The following RPL28 variants were observed in gnomAD, a reference collection of about 807,000 sequenced individuals.
RPL28 encodes the protein ribosomal protein L28.
A neutral mutation model predicts 12.5 loss-of-function variants in RPL28; 4 were observed. That is an observed-to-expected ratio of 0.32 (90% CI 0.16 to 0.73). The LOEUF (loss-of-function observed/expected upper bound fraction) is 0.73. RPL28 is among the 30% of genes least tolerant of loss of function. The pLI, the probability that RPL28 is intolerant of heterozygous loss-of-function variation, is 0.66. For missense variants in RPL28, 214 were observed against 197.7 expected (o/e 1.08, Z -0.49); for synonymous variants, 91 against 72.5 (o/e 1.26, Z -1.30).
chr19:55,400,697 A>G (rs891318433), intron 4 of RPL28: 1 of 152,300 alleles, frequency 6.6e-6, no homozygotes, highest in South Asian at 2.1e-4. Context: ...TTTAGCCTGC[A>G]AAGCACTGAG....
rs144477547 is a variant in RPL28 at position 55,388,964 on chromosome 19, C to T, written c.*632C>T. ...ATTGAGCAGCCTTAGCATTGTCCCC[C>T]TACTCCCGTCCTCCAGGTGTCCCCA... On this transcript the variant is annotated 3_prime_UTR_variant, in exon 5 of 5. Coordinates refer to ENST00000344063, the MANE Select transcript of RPL28 (RefSeq NM_000991.5). 2.0e-4 allele frequency: 196 copies of T among 985,468 alleles called. No individual in the cohort carries two copies. The African/African-American group carries it at 3.2e-3, about 16-fold the overall frequency. 61.0% of individuals were successfully genotyped at this position (985,468 alleles called of 1,614,324 possible).
At chr19:55,397,341 A>G (rs940059792) in intron 4 of RPL28, among the ~76,000 whole-genome samples, 6 of 152,204 alleles carry the variant, frequency 3.9e-5, no homozygotes, top group African/African-American at 1.4e-4. Context: ...TGTTTCTTAA[A>G]TATACAAGCA....
intron 4 of RPL28, 26 bp downstream of exon 4, chr19:55,388,074 T>A: frequency 6.2e-7 from 1 of 1,613,158 alleles, no homozygotes; most frequent in East Asian, 2.2e-5. Flanking sequence ...GGGATCAGGC[T>A]TGGGGAGACT....
At chr19:55,398,483 G>A (rs765918560) in intron 4 of RPL28, among the ~76,000 whole-genome samples, 16 of 152,280 alleles carry the variant, frequency 1.1e-4, no homozygotes, top group Non-Finnish European at 1.9e-4. Flanking sequence ...GGTATTCTCA[G>A]ATTTAATTGT....
chr19:55,399,022 C>G (rs2090039566), intron 4 of RPL28, among the ~76,000 whole-genome samples: 1 of 151,986 alleles, frequency 6.6e-6, no homozygotes, highest in Non-Finnish European at 1.5e-5. Context: ...GGGTCTCCCT[C>G]TCTCACCCAG....
downstream of RPL28, among the ~76,000 whole-genome samples, chr19:55,396,985 T>C (rs960221023): frequency 5.9e-5 from 9 of 151,950 alleles, no homozygotes; most frequent in Non-Finnish European, 1.2e-4. Context: ...GCTCAAGCCA[T>C]CCTCCCACCT....
chr19:55,394,453 G>GTCTCA (rs1382137231), downstream of RPL28, among the ~76,000 whole-genome samples: 1 of 151,900 alleles, frequency 6.6e-6, no homozygotes, highest in African/African-American at 2.4e-5. Flanking sequence ...TAGAGACAAG[G>GTCTCA]TCTCACTGTG....
At chr19:55,395,463 A>G (rs1230979648), downstream of RPL28, among the ~76,000 whole-genome samples, 4 of 124,878 alleles carry the variant, frequency 3.2e-5, no homozygotes, top group Admixed American at 1.8e-4. Context: ...TTTTTTTGAG[A>G]CAGAGTCTCT....
chr19:55,393,850 A>T (rs2090007180), downstream of RPL28, among the ~76,000 whole-genome samples: 1 of 151,770 alleles, frequency 6.6e-6, no homozygotes, highest in South Asian at 2.1e-4. Context: ...GGGTGTCACC[A>T]TGTTGGCCAG....
intron 3 of RPL28, chr19:55,387,558 C>A: frequency 7.0e-7 from 1 of 1,428,886 alleles, no homozygotes; most frequent in Non-Finnish European, 9.1e-7. Flanking sequence ...TGATGTTGAA[C>A]CACTGCTGTG....
At chr19:55,392,627 C>T (rs142092862), downstream of RPL28, among the ~76,000 whole-genome samples, 3,979 of 151,814 alleles carry the variant, frequency 0.026, 146 homozygotes, top group African/African-American at 0.08. Context: ...CCCAGGTTCA[C>T]GCCATTCTCC....
chr19:55,393,805 C>T (rs992553207), downstream of RPL28, among the ~76,000 whole-genome samples: 2 of 151,520 alleles, frequency 1.3e-5, no homozygotes, highest in Admixed American at 6.6e-5. Flanking sequence ...CCCGCCACCA[C>T]GCCTGGCTAA....
chr19:55,389,219 C>G lies in RPL28; in HGVS notation c.*887C>G. 1 of 934,834 alleles carries G rather than the reference C, an allele frequency of 1.1e-6. No individual in the cohort carries two copies. Among genetic ancestry groups the G allele is most frequent in the Non-Finnish European group, 1.3e-6 (1 of 783,842 alleles). 57.9% of individuals were successfully genotyped at this position (934,834 alleles called of 1,614,324 possible). On this transcript the variant is annotated 3_prime_UTR_variant, in exon 5 of 5. Coordinates refer to ENST00000344063, the MANE Select transcript of RPL28 (RefSeq NM_000991.5). The stretch of plus-strand genomic sequence containing the variant: ...ATAAAATTAGCTGGGTGTGGTGGTG[C>G]ACCGCCTGTGGTCCCAGCTCCTCAG...
Position 55,387,095 on chromosome 19 carries a change from G to A in RPL28, c.205+402G>A, listed in dbSNP as rs2089938286. On this transcript the variant is annotated intron_variant, in intron 3 of 4. Transcript: ENST00000344063. ...ACTTAGGAGGGGACAGGCTGGGTTG[G>A]TTGCAGCCATTTGATTCCCATTTTG... The A allele has an allele frequency of 5.0e-6, 7 of 1,394,968 alleles. No homozygotes were observed. In the South Asian group the frequency reaches 1.0e-4, roughly 21 times the overall value. The allele number at this position is 1,394,968 out of a possible 1,614,324, so 86.4% of individuals were successfully genotyped here.
At chr19:55,387,836 C>T in intron 3 of RPL28, 94 bp from the exon 4 acceptor site, 9 of 1,487,006 alleles carry the variant, frequency 6.1e-6, no homozygotes, top group Non-Finnish European at 8.0e-6. Context: ...CCACGCTGCT[C>T]AGCTTCTCAA....
Position 55,387,966 on chromosome 19 carries a change from C to A in RPL28, c.242C>A (p.Thr81Asn), listed in dbSNP as rs1485212576. ...RKPATSYVRTTINKNARATLS... is the reference protein window; with the variant it reads ...RKPATSYVRTNINKNARATLS... The stretch of plus-strand genomic sequence containing the variant: ...CCTGCCACCTCCTATGTGCGGACCA[C>A]CATCAACAAGAATGCTCGCGCCACG... Residue 81 changes from threonine to asparagine, a missense_variant, in exon 4 of 5, where the codon ACC becomes AAC. Transcript: ENST00000344063. The A allele has an allele frequency of 1.2e-6, 2 of 1,603,964 alleles. No homozygotes were observed. The highest frequency in any genetic ancestry group is 2.7e-5 in the African/African-American group (2 of 74,758).
chr19:55,401,867 C>T, intron 4 of RPL28: 2 of 1,241,180 alleles, frequency 1.6e-6, no homozygotes, highest in Middle Eastern at 1.9e-4. Flanking sequence ...CTGCTCCCAA[C>T]TCAGCTGCAG....
chr19:55,388,210 G>C, intron 4 of RPL28, 33 bp from the exon 5 acceptor site: 1 of 1,517,904 alleles, frequency 6.6e-7, no homozygotes, highest in Non-Finnish European at 8.8e-7. Flanking sequence ...TGGAGTGTAT[G>C]GGCTGAGCCT....
chr19:55,395,646 T>A (rs1416076990), downstream of RPL28, among the ~76,000 whole-genome samples: 2 of 150,650 alleles, frequency 1.3e-5, no homozygotes, highest in Non-Finnish European at 3.0e-5. Context: ...GGTTTCACTG[T>A]GTTAGCCAGG....
Sources: gnomAD v4.1 joint callset for allele counts (sites outside exome capture counted in the v4.1 genomes callset) on GRCh38, gnomAD v4.1.1 for gene constraint, MANE v1.5 for transcripts, NCBI Gene and HGNC (gene_info 2026-07-23, HGNC 2026-07-21) for gene names.